Variants in HS6ST3 observed in about 807,000 individuals in gnomAD.
HS6ST3 encodes the protein heparan-sulfate 6-O-sulfotransferase 3.
Under a neutral mutation model 36.7 loss-of-function variants are expected in HS6ST3, and 12 were observed. The observed-to-expected ratio is 0.33, with a 90% CI of 0.21 to 0.53. HS6ST3 has a LOEUF of 0.53. HS6ST3 is among the 20% of genes least tolerant of loss of function. The probability of loss-of-function intolerance (pLI) is 0.95; values close to 1 mark genes in which losing one functional copy is unlikely to be tolerated. For missense variants in HS6ST3, 584 were observed against 640.9 expected, an observed-to-expected ratio of 0.91 and a Z score of 0.96; for synonymous variants, 240 against 257.5, an observed-to-expected ratio of 0.93 and a Z score of 0.65.
At chr13:96,802,105 A>G (rs1878091045) in intron 1 of HS6ST3, among the ~76,000 whole-genome samples, 1 of 152,074 alleles carries the variant, frequency 6.6e-6, no homozygotes, top group African/African-American at 2.4e-5. Context: ...CAGGGAGGAA[A>G]ACTCACAGAA....
chr13:96,777,278 G>A (rs1169267060), intron 1 of HS6ST3, among the ~76,000 whole-genome samples: 1 of 152,166 alleles, frequency 6.6e-6, no homozygotes, highest in Non-Finnish European at 1.5e-5. Flanking sequence ...CTGAAAACTG[G>A]CACAAGACAA....
intron 1 of HS6ST3, among the ~76,000 whole-genome samples, chr13:96,523,259 G>T (rs1190323866): frequency 2.6e-5 from 4 of 152,116 alleles, no homozygotes; most frequent in African/African-American, 7.2e-5. Flanking sequence ...GCTTTCCTTT[G>T]TGAGTAACCT....
At chr13:96,427,884 T>C (rs1306062788) in intron 1 of HS6ST3, among the ~76,000 whole-genome samples, 2 of 152,190 alleles carry the variant, frequency 1.3e-5, no homozygotes, top group African/African-American at 4.8e-5. Context: ...ATCAGTTGTG[T>C]TCTAGAATAC....
chr13:96,293,358 A>G (rs564815641), intron 1 of HS6ST3, among the ~76,000 whole-genome samples: 14 of 152,188 alleles, frequency 9.2e-5, no homozygotes, highest in Admixed American at 5.2e-4. Context: ...GATATATCCA[A>G]TTACCCATTT....
chr13:96,588,723 A>ATGAT (rs1033663384), intron 1 of HS6ST3, among the ~76,000 whole-genome samples: 2 of 152,090 alleles, frequency 1.3e-5, no homozygotes, highest in African/African-American at 4.8e-5. Flanking sequence ...GTTTAGTATC[A>ATGAT]GGGTGATGCT....
intron 1 of HS6ST3, among the ~76,000 whole-genome samples, chr13:96,827,496 A>G (rs189022143): frequency 2.0e-5 from 3 of 152,350 alleles, no homozygotes; most frequent in Admixed American, 1.3e-4. Flanking sequence ...CAAAATGTAC[A>G]TGAGAATATG....
chr13:96,323,737 T>C (rs2055016294), intron 1 of HS6ST3, among the ~76,000 whole-genome samples: 1 of 152,250 alleles, frequency 6.6e-6, no homozygotes, highest in African/African-American at 2.4e-5. Context: ...CTTCTGGCAC[T>C]TTCTATTTTC....
chr13:96,349,368 G>A (rs2055171155), intron 1 of HS6ST3, among the ~76,000 whole-genome samples: 1 of 152,082 alleles, frequency 6.6e-6, no homozygotes, highest in Non-Finnish European at 1.5e-5. Context: ...AAGTGATTGT[G>A]TGGTTCTTTT....
At chr13:96,340,989 T>C (rs892987868) in intron 1 of HS6ST3, among the ~76,000 whole-genome samples, 1 of 152,228 alleles carries the variant, frequency 6.6e-6, no homozygotes, top group African/African-American at 2.4e-5. Context: ...CAAGCATTTA[T>C]TCCCAAGTAG....
At chr13:96,359,135 T>C (rs1404809927) in intron 1 of HS6ST3, among the ~76,000 whole-genome samples, 2 of 152,146 alleles carry the variant, frequency 1.3e-5, no homozygotes. Context: ...GCAATTACAA[T>C]GTTTAGGGGA....
chr13:96,277,646 G>A (rs1246426465), intron 1 of HS6ST3, among the ~76,000 whole-genome samples: 1 of 152,100 alleles, frequency 6.6e-6, no homozygotes, highest in East Asian at 1.9e-4. Context: ...ATATCAACAT[G>A]AAAATGTCAC....
intron 1 of HS6ST3, among the ~76,000 whole-genome samples, chr13:96,520,096 C>T (rs1254160346): frequency 6.6e-6 from 1 of 152,216 alleles, no homozygotes. Context: ...GTTTTCCCAA[C>T]ACCGTTTATT....
At chr13:96,666,990 G>T (rs1170858669) in intron 1 of HS6ST3, among the ~76,000 whole-genome samples, 1 of 152,034 alleles carries the variant, frequency 6.6e-6, no homozygotes, top group Non-Finnish European at 1.5e-5. Flanking sequence ...TTTAGTCATG[G>T]AATCAAAAAT....
At chr13:96,718,346 T>C (rs1875755738) in intron 1 of HS6ST3, among the ~76,000 whole-genome samples, 6 of 152,202 alleles carry the variant, frequency 3.9e-5, no homozygotes, top group Admixed American at 3.9e-4. Context: ...ATCAAAGCTT[T>C]CCTTCCATCT....
At chr13:96,650,955 G>A (rs761067897) in intron 1 of HS6ST3, among the ~76,000 whole-genome samples, 1 of 151,966 alleles carries the variant, frequency 6.6e-6, no homozygotes, top group Non-Finnish European at 1.5e-5. Flanking sequence ...TTTCTGACAT[G>A]CCCTCTCTAA....
At position 96,191,778 on chromosome 13, in the gene HS6ST3, A is replaced by G. The variant is rs143839753; in HGVS notation, c.707+100209A>G. On this transcript the variant is annotated intron_variant, in intron 1 of 1. Coordinates refer to ENST00000376705, the MANE Select transcript of HS6ST3 (RefSeq NM_153456.4). ...ATATATACATGTAATTCAAATGGCCAAAGATGTGAAGAAAGAGGATCTTTT... is the reference window on the plus strand; with the variant it reads ...ATATATACATGTAATTCAAATGGCCGAAGATGTGAAGAAAGAGGATCTTTT... Among the ~76,000 whole-genome samples, 574 of 152,338 alleles carry G rather than the reference A, an allele frequency of 3.8e-3. 6 individuals carry two copies. The highest frequency in any genetic ancestry group is 0.013 in the African/African-American group (548 of 41,590).
intron 1 of HS6ST3, among the ~76,000 whole-genome samples, chr13:96,137,465 G>A (rs1417997347): frequency 7.2e-5 from 10 of 138,856 alleles, no homozygotes; most frequent in Non-Finnish European, 1.1e-4. Flanking sequence ...ACAGAGTCTC[G>A]CTCTGTCACC....
chr13:96,482,837 A>T (rs1354470602), intron 1 of HS6ST3, among the ~76,000 whole-genome samples: 1 of 152,234 alleles, frequency 6.6e-6, no homozygotes, highest in Non-Finnish European at 1.5e-5. Context: ...AAAAAGTTTT[A>T]AAGGTATGCC....
intron 1 of HS6ST3, among the ~76,000 whole-genome samples, chr13:96,330,503 T>C (rs1201246635): frequency 6.6e-6 from 1 of 151,772 alleles, no homozygotes; most frequent in African/African-American, 2.4e-5. Context: ...GAATGTTGAA[T>C]ATTGGCCCCC....
Sources: allele counts gnomAD v4.1 joint callset (sites outside exome capture counted in the v4.1 genomes callset), GRCh38; gene constraint gnomAD v4.1.1; transcripts MANE v1.5; gene names NCBI Gene and HGNC (gene_info 2026-07-23, HGNC 2026-07-21).